ART3: variants seen among roughly 807,000 people sequenced by gnomAD.
ART3 encodes the protein ADP-ribosyltransferase 3 (inactive).
ART3 carries 49 observed loss-of-function variants against 48.5 expected under a neutral mutation model. The ratio of observed to expected loss-of-function variants is 1.01; its 90% CI spans 0.80 to 1.28. The LOEUF (loss-of-function observed/expected upper bound fraction) is 1.28, where lower values mean the gene tolerates loss of function less well. Among genes scored for constraint, ART3 ranks in the 50% most tolerant of loss-of-function variants. The probability of loss-of-function intolerance (pLI) is 0.00; values close to 1 mark genes in which losing one functional copy is unlikely to be tolerated. For missense variants in ART3, 438 were observed against 454.3 expected (o/e 0.96, Z 0.33); for synonymous variants, 145 against 157.2 (o/e 0.92, Z 0.58).
chr4:76,067,936 C>T (rs1560608895), intron 1 of ART3, among the ~76,000 whole-genome samples: 1 of 152,086 alleles, frequency 6.6e-6, no homozygotes, highest in Non-Finnish European at 1.5e-5. Flanking sequence ...AATGTTGTGC[C>T]TTGGCATCCA....
At chr4:76,085,809 T>C (rs112252661) in intron 3 of ART3, among the ~76,000 whole-genome samples, 2,232 of 152,264 alleles carry the variant, frequency 0.015, 70 homozygotes, top group African/African-American at 0.05. Flanking sequence ...CAGTGGCTCA[T>C]GCCTGTAATC....
Position 76,100,988 on chromosome 4 carries a change from A to G in ART3, c.908-2A>G, listed in dbSNP as rs542203673. 1.1e-5 allele frequency: 18 copies of G among 1,613,604 alleles called. No homozygotes were observed. The Admixed American group carries it at 2.0e-4, about 18-fold the overall frequency. On this transcript the variant is annotated splice_acceptor_variant, in intron 7 of 11. Transcript: ENST00000355810. LOFTEE classifies it high-confidence loss of function. ...ACTGATAAGCTTCTTTTTGTAACTC[A>G]GGTGAGAAAAACCAGAAGCTTGAAG... is the stretch of plus-strand genomic sequence containing the variant.
At chr4:76,065,364 T>C (rs1203971005) in intron 1 of ART3, among the ~76,000 whole-genome samples, 1 of 152,138 alleles carries the variant, frequency 6.6e-6, no homozygotes, top group East Asian at 1.9e-4. Context: ...TCACTTAACA[T>C]GCCGATCTTT....
chr4:76,052,599 G>A (rs1198822324), intron 1 of ART3, among the ~76,000 whole-genome samples: 2 of 151,836 alleles, frequency 1.3e-5, no homozygotes, highest in African/African-American at 4.8e-5. Context: ...ATCATCCACC[G>A]CCCCCAACCC....
At chr4:76,096,626 C>T (rs1400848018) in intron 3 of ART3, among the ~76,000 whole-genome samples, 1 of 152,230 alleles carries the variant, frequency 6.6e-6, no homozygotes, top group Non-Finnish European at 1.5e-5. Flanking sequence ...TATACTGTCT[C>T]ACTAACCTTC....
At chr4:76,052,946 CT>C (rs1736277965) in intron 1 of ART3, among the ~76,000 whole-genome samples, 1 of 152,034 alleles carries the variant, frequency 6.6e-6, no homozygotes, top group Non-Finnish European at 1.5e-5. Flanking sequence ...CAAGGCTGGT[CT>C]CAAACTCCTG....
intron 1 of ART3, among the ~76,000 whole-genome samples, chr4:76,014,092 G>A (rs899654879): frequency 1.3e-5 from 2 of 152,122 alleles, no homozygotes; most frequent in African/African-American, 2.4e-5. Flanking sequence ...CTTAGGGGCT[G>A]AATTGTGTTC....
In ART3 at chr4:76,100,832, A is replaced by C. The variant is rs1560650258; in HGVS notation, c.907+8A>C. On this transcript the variant is annotated splice_region_variant and intron_variant, in intron 7 of 11. Coordinates refer to ENST00000355810, the MANE Select transcript of ART3 (RefSeq NM_001130016.3). ...GGAAGCTTGAAGACCATGGTAAGACATTTTTTATAAATTCTGGGGGCTTAC... is the reference window on the plus strand; with the variant it reads ...GGAAGCTTGAAGACCATGGTAAGACCTTTTTTATAAATTCTGGGGGCTTAC... The C allele has an allele frequency of 6.2e-7, 1 of 1,611,314 alleles. No homozygotes were observed. Among genetic ancestry groups the C allele is most frequent in the Admixed American group, 1.7e-5 (1 of 59,530 alleles).
rs999745375 is a variant in ART3, at chr4:76,045,223, C to T, written c.-9-30658C>T. On this transcript the variant is annotated intron_variant, in intron 1 of 9. Transcript: ENST00000341029. ...TAAGGGGACTTCTAAGAGATCATCT[C>T]GGGCGGCATAAGTCTGGACTATAAT... 3.9e-5 allele frequency among the ~76,000 whole-genome samples: 6 copies of T among 151,986 alleles called. 1 individual carries two copies. Among genetic ancestry groups the T allele is most frequent in the Admixed American group, 6.6e-5 (1 of 15,248 alleles).
intron 1 of ART3, chr4:76,022,260 ACT>A: frequency 1.1e-6 from 1 of 913,902 alleles, no homozygotes; most frequent in Non-Finnish European, 1.8e-6. Context: ...GTGGTAACAT[ACT>A]TTTAAACCAG....
chr4:76,046,017 A>G (rs918056293), intron 1 of ART3, among the ~76,000 whole-genome samples: 1 of 152,010 alleles, frequency 6.6e-6, no homozygotes, highest in Admixed American at 6.6e-5. Context: ...AGAAAGTTCA[A>G]GAGATCCAGA....
At chr4:76,058,881 G>C (rs553689741) in intron 1 of ART3, among the ~76,000 whole-genome samples, 1 of 152,296 alleles carries the variant, frequency 6.6e-6, no homozygotes, top group African/African-American at 2.4e-5. Flanking sequence ...AGAATAGAGA[G>C]GTTCCAGAGC....
chr4:76,017,690 G>T (rs1248828672), intron 1 of ART3, among the ~76,000 whole-genome samples: 5 of 152,166 alleles, frequency 3.3e-5, no homozygotes, highest in African/African-American at 1.2e-4. Context: ...GGCCTAGACT[G>T]CCTTTCAGAT....
rs761051313 is a variant in ART3 at position 76,082,433 on chromosome 4, C to A, written c.679C>A (p.Leu227Met). ...AAGTGAAAGAATTACTTTAATACCT[C>A]TGAATGAGGTTTTTCAAGTGTCACA... The part of the protein sequence containing the change: ...KESERITLIP[L>M]NEVFQVSQEG... The change falls in exon 3 of 12, where the codon CTG becomes ATG. Residue 227 changes from leucine (L) to methionine (M), a missense_variant. By Grantham distance (15) the Leu-to-Met change is conservative (BLOSUM62 2). Coordinates refer to ENST00000355810, the MANE Select transcript of ART3 (RefSeq NM_001130016.3). 114 of 1,613,832 alleles carry A rather than the reference C, an allele frequency of 7.1e-5. 1 individual carries two copies. In the South Asian group the frequency reaches 1.0e-3, roughly 15 times the overall value.
chr4:76,049,221 A>G (rs1294717527), intron 1 of ART3, among the ~76,000 whole-genome samples: 1 of 152,024 alleles, frequency 6.6e-6, no homozygotes, highest in Non-Finnish European at 1.5e-5. Flanking sequence ...AGGAGAAACT[A>G]GAAAAGCACC....
chr4:76,066,802 G>T (rs900523235), intron 1 of ART3, among the ~76,000 whole-genome samples: 1 of 152,134 alleles, frequency 6.6e-6, no homozygotes, highest in African/African-American at 2.4e-5. Context: ...TTCCACGTGG[G>T]ACTCTGCCTC....
intron 3 of ART3, among the ~76,000 whole-genome samples, chr4:76,095,845 A>G (rs978433488): frequency 2.6e-5 from 4 of 152,118 alleles, no homozygotes; most frequent in Non-Finnish European, 5.9e-5. Flanking sequence ...CTTATCCACA[A>G]TTCCCCTCAC....
At chr4:76,091,958 T>C (rs1404788861) in intron 3 of ART3, among the ~76,000 whole-genome samples, 1 of 152,128 alleles carries the variant, frequency 6.6e-6, no homozygotes. Context: ...GCTGGGATTA[T>C]AGGTGTGAGC....
At chr4:76,105,772 G>C in intron 10 of ART3, 1 of 985,412 alleles carries the variant, frequency 1.0e-6, no homozygotes. Context: ...ATCAAAAAAG[G>C]CACTTGATCT....
Sources: allele counts gnomAD v4.1 joint callset (sites outside exome capture counted in the v4.1 genomes callset), GRCh38; gene constraint gnomAD v4.1.1; transcripts MANE v1.5; gene names NCBI Gene and HGNC (gene_info 2026-07-23, HGNC 2026-07-21).